Variants in TMEM266 observed in about 807,000 individuals in gnomAD.
TMEM266 encodes the protein Hv1 related protein 1.
Under a neutral mutation model 50.5 loss-of-function variants are expected in TMEM266, and 33 were observed. That is an observed-to-expected ratio of 0.65 (90% CI 0.50 to 0.87). The LOEUF is 0.87. Ranked by LOEUF, TMEM266 falls within the 40% of genes least tolerant of loss-of-function variation. TMEM266 has a pLI of 0.00. For missense variants in TMEM266, 655 were observed against 695.1 expected (o/e 0.94, Z 0.65); for synonymous variants, 310 against 292.3 (o/e 1.06, Z -0.62).
chr15:76,192,817 T>A (rs1228579219), intron 9 of TMEM266, among the ~76,000 whole-genome samples: 1 of 152,162 alleles, frequency 6.6e-6, no homozygotes, highest in Non-Finnish European at 1.5e-5. Flanking sequence ...TTGCCAGCTG[T>A]CAAGTAGGAG....
At chr15:76,132,113 A>ATTTT (rs10648544) in intron 1 of TMEM266, among the ~76,000 whole-genome samples, 2 of 145,826 alleles carry the variant, frequency 1.4e-5, no homozygotes, top group African/African-American at 5.0e-5. Flanking sequence ...TACCAATCCA[A>ATTTT]TTTTTTTTTT....
intron 1 of TMEM266, among the ~76,000 whole-genome samples, chr15:76,111,580 G>T (rs2037170950): frequency 6.6e-6 from 1 of 151,654 alleles, no homozygotes. Flanking sequence ...GCTGATTTTT[G>T]TATTTTTAAT....
intron 1 of TMEM266, among the ~76,000 whole-genome samples, chr15:76,129,341 G>A (rs762822766): frequency 6.6e-6 from 1 of 152,078 alleles, no homozygotes; most frequent in East Asian, 1.9e-4. Context: ...AGAGAAACAT[G>A]TTAGAAAACT....
chr15:76,097,328 T>G (rs967552710), intron 1 of TMEM266, among the ~76,000 whole-genome samples: 1 of 152,084 alleles, frequency 6.6e-6, no homozygotes, highest in African/African-American at 2.4e-5. Flanking sequence ...TCTCTCAGCT[T>G]TATCGCTTGT....
At chr15:76,189,780 G>A (rs554420283) in intron 8 of TMEM266, among the ~76,000 whole-genome samples, 47 of 152,354 alleles carry the variant, frequency 3.1e-4, no homozygotes, top group African/African-American at 1.1e-3. Context: ...TGTGGGCACT[G>A]GGTTAGGCAG....
intron 1 of TMEM266, among the ~76,000 whole-genome samples, chr15:76,104,614 G>A (rs1260751393): frequency 6.6e-6 from 1 of 150,674 alleles, no homozygotes; most frequent in Admixed American, 6.6e-5. Flanking sequence ...GTCAGGAGAT[G>A]GAGACGCTGC....
rs112912366 is a variant in TMEM266, at chr15:76,181,766, C to T, written c.768+6092C>T. ...AGATGCAGCAGTTAAATCAATGCAACGATATACTCTTCTGACTCATCTCAC... is the reference window on the plus strand; with the variant it reads ...AGATGCAGCAGTTAAATCAATGCAATGATATACTCTTCTGACTCATCTCAC... On this transcript the variant is annotated intron_variant, in intron 8 of 10. Coordinates refer to ENST00000388942, the MANE Select transcript of TMEM266 (RefSeq NM_152335.3). 5.3e-3 allele frequency among the ~76,000 whole-genome samples: 808 copies of T among 152,250 alleles called. 6 individuals carry two copies. Among genetic ancestry groups the T allele is most frequent in the African/African-American group, 0.019 (784 of 41,544 alleles).
At chr15:76,102,785 G>A (rs1176742764) in intron 1 of TMEM266, among the ~76,000 whole-genome samples, 2 of 147,698 alleles carry the variant, frequency 1.4e-5, no homozygotes, top group Non-Finnish European at 3.0e-5. Flanking sequence ...GTTGCAGTGA[G>A]CCAAGATGAT....
At chr15:76,103,262 G>A (rs1364641574) in intron 1 of TMEM266, among the ~76,000 whole-genome samples, 1 of 152,048 alleles carries the variant, frequency 6.6e-6, no homozygotes, top group Non-Finnish European at 1.5e-5. Flanking sequence ...CAGCATTTTG[G>A]GAGGCCAAGG....
chr15:76,091,715 G>A (rs1480186380), intron 1 of TMEM266, among the ~76,000 whole-genome samples: 1 of 151,938 alleles, frequency 6.6e-6, no homozygotes, highest in Non-Finnish European at 1.5e-5. Flanking sequence ...GAGGCTGGGC[G>A]CAGTGGCTCA....
intron 5 of TMEM266, among the ~76,000 whole-genome samples, chr15:76,165,246 CCTT>C (rs1225389133): frequency 6.6e-6 from 1 of 152,186 alleles, no homozygotes; most frequent in Non-Finnish European, 1.5e-5. Flanking sequence ...GAGGGGAGTC[CCTT>C]CTTGAGAGCA....
At chr15:76,192,311 T>C (rs111826290) in intron 9 of TMEM266, among the ~76,000 whole-genome samples, 154 bp downstream of exon 9, 1 of 152,114 alleles carries the variant, frequency 6.6e-6, no homozygotes, top group East Asian at 1.9e-4. Context: ...CTCAGATCAG[T>C]AGCCTCGGTA....
chr15:76,167,340 G>A lies in TMEM266; in HGVS notation c.457-2476G>A, dbSNP rs557229777. Among the ~76,000 whole-genome samples, 16 of 151,790 alleles carry A rather than the reference G, an allele frequency of 1.1e-4. No homozygotes were observed. In the South Asian group the frequency reaches 3.1e-3, roughly 30 times the overall value. On this transcript the variant is annotated intron_variant, in intron 5 of 10. Coordinates refer to ENST00000388942, the MANE Select transcript of TMEM266 (RefSeq NM_152335.3). ...AAAAAATTAGCCGGGCATGGTGGCG[G>A]GTGCCTGTAGTCCCAGCTACTCGGG...
intron 10 of TMEM266, among the ~76,000 whole-genome samples, chr15:76,203,397 G>C (rs749388172): frequency 6.6e-6 from 1 of 152,198 alleles, no homozygotes; most frequent in Non-Finnish European, 1.5e-5. Context: ...GCACCCAGTT[G>C]ACAGAACAGT....
At chr15:76,133,795 G>T (rs959861177) in intron 1 of TMEM266, among the ~76,000 whole-genome samples, 1 of 152,192 alleles carries the variant, frequency 6.6e-6, no homozygotes, top group Non-Finnish European at 1.5e-5. Flanking sequence ...AAACATTTGA[G>T]ATTTTTTAGA....
intron 8 of TMEM266, among the ~76,000 whole-genome samples, chr15:76,184,624 C>T (rs2038467948): frequency 6.6e-6 from 1 of 152,248 alleles, no homozygotes; most frequent in Admixed American, 6.5e-5. Flanking sequence ...TACCATCGAG[C>T]TTCTGGCCAA....
At chr15:76,060,313 T>TGC (rs762286037) in intron 1 of TMEM266, among the ~76,000 whole-genome samples, 1 of 149,832 alleles carries the variant, frequency 6.7e-6, no homozygotes, top group Non-Finnish European at 1.5e-5. Flanking sequence ...TCCCATTCTT[T>TGC]GCCTCCGTGT....
At chr15:76,162,342 C>T (rs62030161) in intron 5 of TMEM266, among the ~76,000 whole-genome samples, 63 of 152,348 alleles carry the variant, frequency 4.1e-4, no homozygotes, top group Non-Finnish European at 8.1e-4. Flanking sequence ...ACACAGCTCA[C>T]ACCACACTAG....
chr15:76,177,734 T>C (rs1178809816), intron 8 of TMEM266, among the ~76,000 whole-genome samples: 1 of 152,244 alleles, frequency 6.6e-6, no homozygotes, highest in African/African-American at 2.4e-5. Flanking sequence ...TCTCTTGCCA[T>C]ATCGCGTGGT....
Sources: allele counts gnomAD v4.1 joint callset (sites outside exome capture counted in the v4.1 genomes callset), GRCh38; gene constraint gnomAD v4.1.1; transcripts MANE v1.5; gene names NCBI Gene and HGNC (gene_info 2026-07-23, HGNC 2026-07-21).